The following KAT6B variants were observed in gnomAD, a reference collection of about 807,000 sequenced individuals.
KAT6B encodes the protein histone acetyltransferase KAT6B.
A neutral mutation model predicts 187.5 loss-of-function variants in KAT6B; 10 were observed. The observed-to-expected ratio is 0.05, with a 90% CI of 0.03 to 0.09. KAT6B has a LOEUF of 0.09. KAT6B is among the 10% of genes least tolerant of loss of function. The pLI, the probability that KAT6B is intolerant of heterozygous loss-of-function variation, is 1.00. For missense variants in KAT6B, 1,952 were observed against 2,558.9 expected, an observed-to-expected ratio of 0.76 and a Z score of 5.12; for synonymous variants, 861 against 926.8, an observed-to-expected ratio of 0.93 and a Z score of 1.29.
intron 3 of KAT6B, among the ~76,000 whole-genome samples, chr10:74,903,728 T>C (rs1489869355): frequency 2.0e-5 from 3 of 152,204 alleles, no homozygotes; most frequent in African/African-American, 7.2e-5. Context: ...TGTGAGCTCA[T>C]GAATGGGTGT....
At chr10:74,912,410 T>TAGATAGAA (rs1344081593) in intron 3 of KAT6B, among the ~76,000 whole-genome samples, 1 of 151,824 alleles carries the variant, frequency 6.6e-6, no homozygotes, top group Non-Finnish European at 1.5e-5. Context: ...GATAGATAGA[T>TAGATAGAA]AGAAAGATAG....
rs144688137 is a variant in KAT6B, at chr10:74,875,378, T to C, written c.621+31900T>C. ...TTATGTGTAGCACATTAAAGCAATC[T>C]TGAATAGTGAGGGGACCTCATTACT... is the stretch of plus-strand genomic sequence containing the variant. On this transcript the variant is annotated intron_variant, in intron 3 of 17. Coordinates refer to ENST00000287239, the MANE Select transcript of KAT6B (RefSeq NM_012330.4). 5.9e-3 allele frequency among the ~76,000 whole-genome samples: 900 copies of C among 152,312 alleles called. 5 individuals are homozygous for C. Among genetic ancestry groups the C allele is most frequent in the Admixed American group, 0.011 (161 of 15,292 alleles).
chr10:74,904,375 T>A (rs1358227605), intron 3 of KAT6B, among the ~76,000 whole-genome samples: 2 of 152,200 alleles, frequency 1.3e-5, no homozygotes, highest in Non-Finnish European at 2.9e-5. Context: ...TGCCTTATGG[T>A]TGTAAGACTG....
In KAT6B at chr10:74,842,675, C is replaced by T. The variant is rs1589451504; in HGVS notation, c.-183C>T. 21 of 673,680 alleles carry T rather than the reference C, an allele frequency of 3.1e-5. No individual in the cohort carries two copies. Among genetic ancestry groups the T allele is most frequent in the Non-Finnish European group, 5.2e-5 (20 of 388,176 alleles). 41.7% of individuals were successfully genotyped at this position (673,680 alleles called of 1,614,324 possible). A position where few individuals can be genotyped will look rare whatever the true frequency, so the allele number is the denominator to read the frequency against. On this transcript the variant is annotated 5_prime_UTR_variant, in exon 3 of 18. Transcript: ENST00000287239. ...GTTGGTAAAATAAGACAACCATCAA[C>T]ATTGCCTGTTTGTCTGCTTTTGAAT...
At chr10:74,896,799 G>T (rs1004048651) in intron 3 of KAT6B, among the ~76,000 whole-genome samples, 1 of 152,186 alleles carries the variant, frequency 6.6e-6, no homozygotes, top group African/African-American at 2.4e-5. Flanking sequence ...TAGAGGAAAT[G>T]ATCCTTTTGA....
Position 74,842,954 on chromosome 10 carries a change from T to C in KAT6B, c.97T>C (p.Cys33Arg), listed in dbSNP as rs1841848771. Residue 33 changes from cysteine to arginine, a missense_variant, in exon 3 of 18, where the codon TGC becomes CGC. Coordinates refer to ENST00000287239, the MANE Select transcript of KAT6B (RefSeq NM_012330.4). ...GCAAAGGCCCTCTGAAGAGAGAATC[T>C]GCCATGCGGTCAGTACTTCCCATGG... is the stretch of plus-strand genomic sequence containing the variant. ...QKQRPSEERI[C>R]HAVSTSHGLD... The C allele has an allele frequency of 6.2e-7, 1 of 1,614,082 alleles. No individual in the cohort carries two copies. The highest frequency in any genetic ancestry group is 1.3e-5 in the African/African-American group (1 of 74,932).
intron 3 of KAT6B, among the ~76,000 whole-genome samples, chr10:74,919,890 C>G (rs1847986441): frequency 6.6e-6 from 1 of 152,104 alleles, no homozygotes; most frequent in Non-Finnish European, 1.5e-5. Context: ...ATTTAGTTAT[C>G]AAATTTGTCA....
At position 75,029,896 on chromosome 10, in the gene KAT6B, G is replaced by A. The variant is rs773446079; in HGVS notation, c.5072G>A (p.Gly1691Glu). The change falls in exon 18 of 18, where the codon GGA becomes GAA. Residue 1691 changes from glycine to glutamate, a missense_variant. Coordinates refer to ENST00000287239, the MANE Select transcript of KAT6B (RefSeq NM_012330.4). This position sits in a 1 kb window ranked among gnomAD's most constrained non-coding sequence, Gnocchi z 6.2. Reference protein sequence around the residue: ...ENPSSYDSTMGGSICGNGSSQ... With the variant: ...ENPSSYDSTMEGSICGNGSSQ... ...CCAAGCAGCTACGATTCTACTATGG[G>A]AGGCAGCATCTGTGGAAACGGCTCT... The A allele has an allele frequency of 3.1e-6, 5 of 1,614,214 alleles. No individual in the cohort carries two copies. The highest frequency in any genetic ancestry group is 4.2e-6 in the Non-Finnish European group (5 of 1,180,048).
chr10:74,858,835 G>A (rs918945298), intron 3 of KAT6B, among the ~76,000 whole-genome samples: 1 of 151,810 alleles, frequency 6.6e-6, no homozygotes, highest in Non-Finnish European at 1.5e-5. Flanking sequence ...CACGCCTGTA[G>A]TCCCAGCTAC....
intron 3 of KAT6B, among the ~76,000 whole-genome samples, chr10:74,901,933 A>G (rs1846428535): frequency 6.6e-6 from 1 of 152,148 alleles, no homozygotes; most frequent in Non-Finnish European, 1.5e-5. Context: ...TTAAAAAGAG[A>G]GCTGGAAACT....
At chr10:74,923,263 CATTT>C (rs1257514026) in intron 3 of KAT6B, among the ~76,000 whole-genome samples, 22 of 152,252 alleles carry the variant, frequency 1.4e-4, no homozygotes, top group African/African-American at 5.3e-4. Context: ...AGTATTCATT[CATTT>C]ATTTATTCAT....
intron 3 of KAT6B, among the ~76,000 whole-genome samples, chr10:74,865,710 T>G (rs1843507410): frequency 1.3e-5 from 2 of 152,058 alleles, no homozygotes; most frequent in South Asian, 4.1e-4. Context: ...GAGAGGGAGT[T>G]TCACTGTGTT....
intron 1 of KAT6B, among the ~76,000 whole-genome samples, chr10:74,838,047 C>G (rs1841446288): frequency 6.6e-6 from 1 of 152,046 alleles, no homozygotes; most frequent in African/African-American, 2.4e-5. Context: ...TACGTAAGAT[C>G]AAAATGCAGT....
intron 3 of KAT6B, among the ~76,000 whole-genome samples, chr10:74,859,952 G>A (rs1274282777): frequency 1.3e-5 from 2 of 152,168 alleles, no homozygotes; most frequent in Non-Finnish European, 2.9e-5. Context: ...ACATTGATCA[G>A]GTGTAAATTG....
intron 4 of KAT6B, among the ~76,000 whole-genome samples, chr10:74,962,677 C>T (rs1299339192): frequency 1.3e-5 from 2 of 152,186 alleles, no homozygotes; most frequent in South Asian, 2.1e-4. Flanking sequence ...TCGTCCCTAT[C>T]TGAAGTACCA....
Position 74,975,965 on chromosome 10 carries a change from T to C in KAT6B, c.1628T>C (p.Leu543Pro). 6.2e-7 allele frequency: 1 copy of C among 1,614,124 alleles called. No individual in the cohort carries two copies. Among genetic ancestry groups the C allele is most frequent in the Non-Finnish European group, 8.5e-7 (1 of 1,180,030 alleles). Reference sequence around the variant, plus strand: ...ACCACTAACAGCCAGCTGAAGGCACTCTTTGATGGGCTTTCTCATATCTAT... The same window carrying C: ...ACCACTAACAGCCAGCTGAAGGCACCCTTTGATGGGCTTTCTCATATCTAT... ...SLTTNSQLKA[L>P]FDGLSHIYTT... The change falls in exon 8 of 18, where the codon CTC becomes CCC. Residue 543 changes from leucine to proline, a missense_variant. Physicochemically the swap from Leu to Pro is moderately conservative, Grantham distance 98. Transcript: ENST00000287239.
At position 74,973,539 on chromosome 10, in the gene KAT6B, G is replaced by A. The variant is rs1841976181; in HGVS notation, c.1061+900G>A. The stretch of plus-strand genomic sequence containing the variant: ...TGCACACACCTTGAACAGACTCCAA[G>A]AATCTCACTCCCTTGCTTACTCCTT... On this transcript the variant is annotated intron_variant, in intron 7 of 17. Transcript: ENST00000287239. Among the ~76,000 whole-genome samples the A allele has an allele frequency of 2.6e-5, 4 of 152,280 alleles. No individual in the cohort carries two copies. In the South Asian group the frequency reaches 8.3e-4, roughly 32 times the overall value.
chr10:74,913,591 C>A (rs1036527879), intron 3 of KAT6B, among the ~76,000 whole-genome samples: 2 of 152,200 alleles, frequency 1.3e-5, no homozygotes, highest in African/African-American at 4.8e-5. Flanking sequence ...CTAGAATTCA[C>A]AAGGATTGAA....
At chr10:74,877,067 G>T (rs1472493305) in intron 3 of KAT6B, among the ~76,000 whole-genome samples, 1 of 151,916 alleles carries the variant, frequency 6.6e-6, no homozygotes, top group African/African-American at 2.4e-5. Context: ...GCCGGTTCAA[G>T]CGATTCTCCT....
Sources: gnomAD v4.1 joint callset for allele counts (sites outside exome capture counted in the v4.1 genomes callset) on GRCh38, gnomAD v4.1.1 for gene constraint, Gnocchi (gnomAD v3.1) non-coding constraint, MANE v1.5 for transcripts, NCBI Gene and HGNC (gene_info 2026-07-23, HGNC 2026-07-21) for gene names.